Variants in ACSL6 observed in about 807,000 individuals in gnomAD.
ACSL6 encodes acyl-CoA synthetase long chain family member 6.
In ACSL6, 47 loss-of-function variants were observed where a neutral mutation model predicts 98.2. The observed-to-expected ratio is 0.48, with a 90% CI of 0.38 to 0.61. ACSL6 has a LOEUF of 0.61. Among genes scored for constraint, ACSL6 ranks in the 20% least tolerant of loss-of-function variants. ACSL6 has a pLI of 0.00. For missense variants in ACSL6, 761 were observed against 913.4 expected (o/e 0.83, Z 2.15); for synonymous variants, 362 against 336.9 (o/e 1.07, Z -0.82).
At chr5:132,006,702 ACT>A (rs1755427640) in intron 1 of ACSL6, 2 of 152,192 alleles carry the variant, frequency 1.3e-5, no homozygotes, top group Admixed American at 1.3e-4. Context: ...CTCAGAGAAG[ACT>A]CTCTTCCACA....
chr5:132,011,969 C>A, upstream of ACSL6: 1 of 1,530,562 alleles, frequency 6.5e-7, no homozygotes, highest in East Asian at 2.6e-5. The surrounding 1 kb of genome is among the most constrained non-coding windows in gnomAD (Gnocchi z 5.4). Flanking sequence ...AGCGCCAGAG[C>A]GTGACATTGA....
intron 1 of ACSL6, among the ~76,000 whole-genome samples, chr5:132,006,139 G>A (rs868496267): frequency 6.6e-6 from 1 of 152,220 alleles, no homozygotes; most frequent in East Asian, 1.9e-4. Context: ...CCTGGCTTAG[G>A]TGCAGGGAGA....
At chr5:131,995,966 G>A (rs17132283) in intron 1 of ACSL6, among the ~76,000 whole-genome samples, 3,537 of 152,308 alleles carry the variant, frequency 0.023, 71 homozygotes, top group East Asian at 0.13. Flanking sequence ...ACATGAAAAG[G>A]GGTCAGGAGC....
intron 2 of ACSL6, among the ~76,000 whole-genome samples, chr5:131,992,913 C>T (rs888957297): frequency 2.6e-5 from 4 of 152,230 alleles, no homozygotes; most frequent in Non-Finnish European, 5.9e-5. Context: ...AAAGCAGGTG[C>T]TCTTTTTATT....
At chr5:131,960,862 T>G (rs539307149) in intron 18 of ACSL6, 15 of 378,380 alleles carry the variant, frequency 4.0e-5, no homozygotes, top group Non-Finnish European at 6.1e-5. Context: ...TAGACTGATA[T>G]GCACCTTTGA....
intron 1 of ACSL6, 129 bp from the exon 2 acceptor site, chr5:131,994,380 G>C: frequency 2.6e-6 from 2 of 777,508 alleles, no homozygotes; most frequent in East Asian, 2.7e-5. Context: ...GGGATGTACA[G>C]AGTGCACCCC....
intron 17 of ACSL6, among the ~76,000 whole-genome samples, chr5:131,964,718 A>G (rs1434720427): frequency 6.6e-6 from 1 of 152,224 alleles, no homozygotes; most frequent in African/African-American, 2.4e-5. Flanking sequence ...AGCCAACAGG[A>G]CAATCCACCT....
At chr5:131,978,952 T>C (rs148359385) in intron 9 of ACSL6, among the ~76,000 whole-genome samples, 5 of 152,354 alleles carry the variant, frequency 3.3e-5, no homozygotes, top group African/African-American at 1.2e-4. Context: ...TCCACCCATA[T>C]TGCAAATCAC....
At chr5:131,962,439 G>A (rs890552389) in intron 18 of ACSL6, 96 bp downstream of exon 18, 2 of 1,391,058 alleles carry the variant, frequency 1.4e-6, no homozygotes, top group Non-Finnish European at 1.9e-6. Flanking sequence ...TTAAAATGCG[G>A]AGGAGAATCC....
rs780195664 is a variant in ACSL6, at chr5:131,974,933, G to T, written c.1028C>A (p.Ser343Tyr). Residue 343 changes from serine to tyrosine, a missense_variant, in exon 11 of 21, where the codon TCC becomes TAC. Physicochemically the swap from Ser to Tyr is moderately radical, Grantham distance 144. Transcript: ENST00000651883. ...AAACATGTGAGCCAGAGGCAGGAAG[G>T]AGATGAGCACATCGTCCTGTCTCGG... Reference protein sequence around the residue: ...IFPRQDDVLISFLPLAHMFER... With the variant: ...IFPRQDDVLIYFLPLAHMFER... 6 of 1,614,080 alleles carry T rather than the reference G, an allele frequency of 3.7e-6. No homozygotes were observed. The highest frequency in any genetic ancestry group is 5.1e-6 in the Non-Finnish European group (6 of 1,180,042).
Position 131,950,757 on chromosome 5 carries a change from G to A in ACSL6, c.*3477C>T, listed in dbSNP as rs924903849. On this transcript the variant is annotated 3_prime_UTR_variant, in exon 21 of 21. Coordinates refer to ENST00000651883, the MANE Select transcript of ACSL6 (RefSeq NM_001009185.3). ...TTTTCTTTACTGCAGAAAAAGGAAA[G>A]GTTATTGGTTCTTTGATAGGTAATA... The A allele has an allele frequency of 5.2e-6, 1 of 192,982 alleles. No homozygotes were observed. Among genetic ancestry groups the A allele is most frequent in the African/African-American group, 2.3e-5 (1 of 43,108 alleles). 12.0% of individuals were successfully genotyped at this position (192,982 alleles called of 1,614,324 possible).
chr5:131,992,964 AG>A (rs1754603571), intron 2 of ACSL6, among the ~76,000 whole-genome samples: 1 of 152,248 alleles, frequency 6.6e-6, no homozygotes, highest in South Asian at 2.1e-4. Flanking sequence ...CAGAGAGTTA[AG>A]AAACTGCCCA....
chr5:132,006,155 G>C (rs1232195873), intron 1 of ACSL6, among the ~76,000 whole-genome samples: 2 of 152,150 alleles, frequency 1.3e-5, no homozygotes, highest in East Asian at 3.9e-4. Context: ...GGAGAGGAAG[G>C]GTATCTCTGG....
intron 1 of ACSL6, among the ~76,000 whole-genome samples, chr5:131,997,953 AT>A (rs1754877509): frequency 6.6e-6 from 1 of 152,208 alleles, no homozygotes; most frequent in African/African-American, 2.4e-5. Flanking sequence ...CCCTGAGGAC[AT>A]GGGCCTCAGA....
chr5:131,973,476 G>T, intron 11 of ACSL6, 76 bp from the exon 12 acceptor site: 1 of 1,510,934 alleles, frequency 6.6e-7, no homozygotes, highest in Non-Finnish European at 9.0e-7. Flanking sequence ...TGTCCAAAGT[G>T]CTGCCCTACA....
chr5:131,958,637 T>C (rs1304181964), intron 20 of ACSL6, among the ~76,000 whole-genome samples: 3 of 152,172 alleles, frequency 2.0e-5, no homozygotes, highest in Non-Finnish European at 4.4e-5. Context: ...TTCCATAGTT[T>C]GAAACTAAAA....
intron 9 of ACSL6, among the ~76,000 whole-genome samples, chr5:131,979,437 A>T (rs1316654908): frequency 6.6e-6 from 1 of 152,222 alleles, no homozygotes; most frequent in Non-Finnish European, 1.5e-5. Context: ...TTGATAAAAA[A>T]AAATTCTAAA....
intron 9 of ACSL6, among the ~76,000 whole-genome samples, chr5:131,977,301 C>T (rs1003855496): frequency 1.3e-5 from 2 of 152,308 alleles, no homozygotes; most frequent in African/African-American, 4.8e-5. Flanking sequence ...CACTACTGCT[C>T]GTGAGGCCTA....
intron 13 of ACSL6, 47 bp downstream of exon 13, chr5:131,972,677 G>A (rs372633041): frequency 2.7e-5 from 44 of 1,606,266 alleles, no homozygotes; most frequent in Admixed American, 1.3e-4. Flanking sequence ...AAGGTCACCC[G>A]TTGGATACTT....
Sources: gnomAD v4.1 joint callset for allele counts (sites outside exome capture counted in the v4.1 genomes callset) on GRCh38, gnomAD v4.1.1 for gene constraint, Gnocchi (gnomAD v3.1) non-coding constraint, MANE v1.5 for transcripts, NCBI Gene and HGNC (gene_info 2026-07-23, HGNC 2026-07-21) for gene names.